The following KCTD8 variants were observed in gnomAD, a reference collection of about 807,000 sequenced individuals.
The protein encoded by KCTD8 is potassium channel tetramerization domain containing 8, also known as BTB/POZ domain-containing protein KCTD8.
KCTD8 carries 27 observed loss-of-function variants against 31.5 expected under a neutral mutation model. The ratio of observed to expected loss-of-function variants is 0.86; its 90% CI spans 0.63 to 1.18. The LOEUF (loss-of-function observed/expected upper bound fraction) is 1.18, where lower values mean the gene tolerates loss of function less well. Among genes scored for constraint, KCTD8 ranks in the 50% most tolerant of loss-of-function variants. The probability of loss-of-function intolerance (pLI) is 0.00; values close to 1 mark genes in which losing one functional copy is unlikely to be tolerated. For missense variants in KCTD8, 658 were observed against 647.7 expected (o/e 1.02, Z -0.17); for synonymous variants, 290 against 280.0 (o/e 1.04, Z -0.36).
At position 44,176,770 on chromosome 4, in the gene KCTD8, G is replaced by A. The variant is rs113143326; in HGVS notation, c.962-1520C>T. 2.4e-3 allele frequency among the ~76,000 whole-genome samples: 362 copies of A among 152,190 alleles called. 4 individuals are homozygous for A. Among genetic ancestry groups the A allele is most frequent in the Middle Eastern group, 0.014 (4 of 294 alleles). ...AGAACTGTATGCCTTAAATGGCTGA[G>A]CTTTTATGTATGTAAATTATACCTT... On this transcript the variant is annotated intron_variant, in intron 1 of 1. Coordinates refer to ENST00000360029, the MANE Select transcript of KCTD8 (RefSeq NM_198353.3).
intron 1 of KCTD8, among the ~76,000 whole-genome samples, chr4:44,431,475 C>T (rs4282224): frequency 0.72 from 109,183 of 151,280 alleles, 41,757 homozygotes; most frequent in South Asian, 0.86. Flanking sequence ...GATACCCTTC[C>T]TTGAAGAGTT....
intron 1 of KCTD8, among the ~76,000 whole-genome samples, chr4:44,208,610 A>G (rs1714387461): frequency 6.6e-6 from 1 of 152,170 alleles, no homozygotes; most frequent in Non-Finnish European, 1.5e-5. Context: ...ACCCTAAAAG[A>G]AAATGATCTT....
At chr4:44,443,625 T>C (rs1255536830) in intron 1 of KCTD8, among the ~76,000 whole-genome samples, 1 of 152,168 alleles carries the variant, frequency 6.6e-6, no homozygotes, top group Non-Finnish European at 1.5e-5. Context: ...ATACCAAATT[T>C]AAAGAATATC....
At position 44,431,071 on chromosome 4, in the gene KCTD8, C is replaced by A. The variant is rs529813989; in HGVS notation, c.961+16492G>T. Among the ~76,000 whole-genome samples, 16 of 151,596 alleles carry A rather than the reference C, an allele frequency of 1.1e-4. No homozygotes were observed. The South Asian group carries it at 3.3e-3, about 31-fold the overall frequency. On this transcript the variant is annotated intron_variant, in intron 1 of 1. Transcript: ENST00000360029. ...AACCAAATTTTTAAAATATAACTTA[C>A]AATAGCAATAAAAACTTTACGATAC...
intron 1 of KCTD8, among the ~76,000 whole-genome samples, chr4:44,238,078 A>T (rs1560402864): frequency 6.6e-6 from 1 of 152,172 alleles, no homozygotes; most frequent in Non-Finnish European, 1.5e-5. Flanking sequence ...TTATGGATTC[A>T]TCTTGTACCA....
rs548935029 is a variant in KCTD8, at chr4:44,448,651, G to T, written c.-128C>A. The stretch of plus-strand genomic sequence containing the variant: ...GACTGGGCGGCGCGTTCCTCCGACC[G>T]GGGCGGCCCCGCTCAGGGTTCGGGG... On this transcript the variant is annotated 5_prime_UTR_variant, in exon 1 of 2. Coordinates refer to ENST00000360029, the MANE Select transcript of KCTD8 (RefSeq NM_198353.3). The surrounding 1 kb of genome is among the most constrained non-coding windows in gnomAD (Gnocchi z 4.1). The T allele has an allele frequency of 9.5e-6, 10 of 1,055,956 alleles. No individual in the cohort carries two copies. The highest frequency in any genetic ancestry group is 1.1e-5 in the Non-Finnish European group (9 of 821,462). 65.4% of individuals were successfully genotyped at this position (1,055,956 alleles called of 1,614,324 possible).
At chr4:44,248,565 C>A in intron 1 of KCTD8, among the ~76,000 whole-genome samples, 1 of 151,822 alleles carries the variant, frequency 6.6e-6, no homozygotes, top group Non-Finnish European at 1.5e-5. Context: ...GTCTGGGGTG[C>A]CTCTTCTCCA....
At chr4:44,195,258 T>A (rs1384392285) in intron 1 of KCTD8, among the ~76,000 whole-genome samples, 1 of 152,076 alleles carries the variant, frequency 6.6e-6, no homozygotes, top group Non-Finnish European at 1.5e-5. Context: ...ATTATAAGGA[T>A]TGATTAGTAA....
rs370365620 is a variant in KCTD8, at chr4:44,209,723, T to C, written c.962-34473A>G. Among the ~76,000 whole-genome samples the C allele has an allele frequency of 2.6e-5, 4 of 152,280 alleles. No homozygotes were observed. The East Asian group carries it at 5.8e-4, about 22-fold the overall frequency. ...CCATGATTACTCAGTTCATTGTGTGTTAACATTGGATGTGAACATTTTCAG... is the reference window on the plus strand; with the variant it reads ...CCATGATTACTCAGTTCATTGTGTGCTAACATTGGATGTGAACATTTTCAG... On this transcript the variant is annotated intron_variant, in intron 1 of 1. Transcript: ENST00000360029.
At chr4:44,270,633 G>C (rs1381527605) in intron 1 of KCTD8, among the ~76,000 whole-genome samples, 4 of 152,038 alleles carry the variant, frequency 2.6e-5, no homozygotes, top group African/African-American at 9.7e-5. Context: ...TTTGAAAAAG[G>C]CTTTGGATAA....
chr4:44,180,010 A>C (rs1713332412), intron 1 of KCTD8, among the ~76,000 whole-genome samples: 1 of 152,166 alleles, frequency 6.6e-6, no homozygotes, highest in Non-Finnish European at 1.5e-5. Flanking sequence ...GCCACTTGAC[A>C]TGCTTTAAGC....
intron 1 of KCTD8, among the ~76,000 whole-genome samples, chr4:44,442,416 A>G (rs1215752077): frequency 6.6e-6 from 1 of 151,982 alleles, no homozygotes; most frequent in Admixed American, 6.6e-5. Context: ...GTGAAACCCC[A>G]TCTCTACTAA....
rs906323250 is a variant in KCTD8 at position 44,447,758 on chromosome 4, G to A, written c.766C>T (p.Arg256Cys). 6.2e-7 allele frequency: 1 copy of A among 1,611,842 alleles called. No individual in the cohort carries two copies. The highest frequency in any genetic ancestry group is 8.5e-7 in the Non-Finnish European group (1 of 1,179,122). Residue 256 changes from arginine (R) to cysteine (C), a missense_variant, in exon 1 of 2, where the codon CGC becomes TGC. Transcript: ENST00000360029. ...TTCTCCGGCTGCCGGTCGGGGTCGC[G>A]GCTCTCGTTGAGCGTGTCCCCGAAG... ...EVFGDTLNESRDPDRQPEKYT... is the reference protein window; with the variant it reads ...EVFGDTLNESCDPDRQPEKYT...
chr4:44,424,824 C>T (rs776794568), intron 1 of KCTD8, among the ~76,000 whole-genome samples: 1 of 152,034 alleles, frequency 6.6e-6, no homozygotes, highest in Non-Finnish European at 1.5e-5. Context: ...AAACACTTTG[C>T]TGTTACCCAG....
chr4:44,316,795 GAAAA>G (rs71188270), intron 1 of KCTD8, among the ~76,000 whole-genome samples: 1 of 40,328 alleles, frequency 2.5e-5, no homozygotes, highest in Non-Finnish European at 6.5e-5. Flanking sequence ...CTAAAAATAC[GAAAA>G]AAAAAAAAAA....
At chr4:44,394,582 A>G (rs1222518661) in intron 1 of KCTD8, among the ~76,000 whole-genome samples, 2 of 152,086 alleles carry the variant, frequency 1.3e-5, no homozygotes, top group African/African-American at 4.8e-5. Context: ...CCTTAAGATC[A>G]GATCCTGGCT....
intron 1 of KCTD8, among the ~76,000 whole-genome samples, chr4:44,284,935 C>A (rs1220201694): frequency 6.6e-6 from 1 of 152,086 alleles, no homozygotes; most frequent in Non-Finnish European, 1.5e-5. Flanking sequence ...CCATCTCATG[C>A]CAGTTAGAAT....
In KCTD8 at chr4:44,223,530, C is replaced by T. The variant is rs925824330; in HGVS notation, c.962-48280G>A. On this transcript the variant is annotated intron_variant, in intron 1 of 1. Transcript: ENST00000360029. ...CCATATTCAATCAGTAAAAACTTAT[C>T]GAATTGGTTAAAGAAATATTTCATT... Among the ~76,000 whole-genome samples the T allele has an allele frequency of 2.0e-5, 3 of 152,138 alleles. No individual in the cohort carries two copies. In the East Asian group the frequency reaches 5.8e-4, roughly 29 times the overall value.
intron 1 of KCTD8, among the ~76,000 whole-genome samples, chr4:44,392,023 T>G (rs1262940747): frequency 6.6e-6 from 1 of 151,856 alleles, no homozygotes; most frequent in Non-Finnish European, 1.5e-5. Context: ...TCTTACGGAG[T>G]CTTACCAACT....
Sources: allele counts gnomAD v4.1 joint callset (sites outside exome capture counted in the v4.1 genomes callset), GRCh38; gene constraint gnomAD v4.1.1; non-coding constraint Gnocchi (gnomAD v3.1); transcripts MANE v1.5; gene names NCBI Gene and HGNC (gene_info 2026-07-23, HGNC 2026-07-21).